Variants in TRMT9B observed in about 807,000 individuals in gnomAD.
TRMT9B encodes the protein probable tRNA methyltransferase 9B.
In TRMT9B, 16 loss-of-function variants were observed where a neutral mutation model predicts 11.5. The observed-to-expected ratio is 1.39, with a 90% confidence interval of 0.94 to 2.11. TRMT9B has a LOEUF of 2.11. Ranked by LOEUF, TRMT9B falls within the 30% of genes most tolerant of loss-of-function variation. TRMT9B has a pLI of 0.00. For missense variants in TRMT9B, 941 were observed against 553.8 expected, an observed-to-expected ratio of 1.70 and a Z score of -7.02; for synonymous variants, 274 against 192.4, an observed-to-expected ratio of 1.42 and a Z score of -3.51.
chr8:12,975,148 T>C (rs1014750739), intron 1 of TRMT9B, among the ~76,000 whole-genome samples: 1 of 151,996 alleles, frequency 6.6e-6, no homozygotes. Flanking sequence ...TAGGATTCCA[T>C]GTACGGCTAG....
chr8:12,980,316 T>A (rs986130584), intron 1 of TRMT9B, among the ~76,000 whole-genome samples: 3 of 152,190 alleles, frequency 2.0e-5, no homozygotes, highest in African/African-American at 7.2e-5. Context: ...CTGTCTATTA[T>A]AAGGACACTT....
chr8:12,946,980 G>T (rs1174135338), intron 1 of TRMT9B, among the ~76,000 whole-genome samples: 1 of 152,190 alleles, frequency 6.6e-6, no homozygotes, highest in Admixed American at 6.5e-5. Context: ...AATGGCTGAA[G>T]AACTGAAGGG....
chr8:13,005,804 T>C (rs1173041934), intron 2 of TRMT9B, among the ~76,000 whole-genome samples: 1 of 152,232 alleles, frequency 6.6e-6, no homozygotes, highest in African/African-American at 2.4e-5. Flanking sequence ...AGCGCTTTGC[T>C]ATTGGGTTGA....
intron 3 of TRMT9B, chr8:13,012,024 A>T: frequency 1.0e-6 from 1 of 985,384 alleles, no homozygotes; most frequent in Non-Finnish European, 1.2e-6. Flanking sequence ...TGAAATATGA[A>T]TGTGAGCTTA....
chr8:12,991,245 A>T (rs1471115995), intron 2 of TRMT9B, among the ~76,000 whole-genome samples: 1 of 152,208 alleles, frequency 6.6e-6, no homozygotes, highest in African/African-American at 2.4e-5. Context: ...CATATTTAGC[A>T]TTTTTAGAAA....
intron 4 of TRMT9B, among the ~76,000 whole-genome samples, chr8:13,018,807 C>T (rs1813284677): frequency 6.6e-6 from 1 of 152,258 alleles, no homozygotes; most frequent in Admixed American, 6.5e-5. Flanking sequence ...CGTATTTTCT[C>T]CATAAGGTGC....
chr8:13,005,466 C>T (rs556315494), intron 2 of TRMT9B, among the ~76,000 whole-genome samples: 3 of 152,206 alleles, frequency 2.0e-5, no homozygotes, highest in South Asian at 2.1e-4. Context: ...GATAAGTGCT[C>T]GAGGTGATGA....
rs756666141 is a variant in TRMT9B at position 13,006,376 on chromosome 8, G to A, written c.154+20G>A. ...ACATAGGTAACCAGGCAGCCTCATC[G>A]CTGACATAGGTAACCAGGCAGCCTC... On this transcript the variant is annotated intron_variant, in intron 3 of 4. Coordinates refer to ENST00000524591, the MANE Select transcript of TRMT9B (RefSeq NM_020844.3). 41 of 1,569,496 alleles carry A rather than the reference G, an allele frequency of 2.6e-5. No individual in the cohort carries two copies. The highest frequency in any genetic ancestry group is 3.8e-5 in the Admixed American group (2 of 53,328).
At chr8:13,013,924 G>A (rs1053208551) in intron 4 of TRMT9B, among the ~76,000 whole-genome samples, 1 of 152,012 alleles carries the variant, frequency 6.6e-6, no homozygotes, top group Admixed American at 6.6e-5. Flanking sequence ...ACTCCAGCCT[G>A]GATGACAAGA....
intron 1 of TRMT9B, among the ~76,000 whole-genome samples, chr8:12,965,259 G>C (rs1310428122): frequency 6.6e-6 from 1 of 152,208 alleles, no homozygotes; most frequent in Non-Finnish European, 1.5e-5. Context: ...GTATTAAGCA[G>C]GTGTGGATTC....
chr8:12,976,200 C>A (rs777083945), intron 1 of TRMT9B, among the ~76,000 whole-genome samples: 1 of 152,172 alleles, frequency 6.6e-6, no homozygotes, highest in Non-Finnish European at 1.5e-5. Flanking sequence ...TGCCCTAGTT[C>A]TCCTTTGGGA....
At chr8:12,951,030 G>A (rs1800564047) in intron 1 of TRMT9B, among the ~76,000 whole-genome samples, 1 of 152,134 alleles carries the variant, frequency 6.6e-6, no homozygotes, top group African/African-American at 2.4e-5. Flanking sequence ...GATAATAGGC[G>A]GTTGAAGATA....
intron 3 of TRMT9B, chr8:13,006,999 AG>A (rs1810600386): frequency 6.5e-6 from 1 of 153,046 alleles, no homozygotes; most frequent in Admixed American, 6.5e-5. Flanking sequence ...GTGGCTCTTC[AG>A]GGCCTTTGTG....
intron 3 of TRMT9B, chr8:13,011,011 T>A: frequency 2.5e-6 from 2 of 807,184 alleles, no homozygotes; most frequent in Non-Finnish European, 3.0e-6. Context: ...AGACAAAATC[T>A]AACTCTGTCA....
Position 12,990,857 on chromosome 8 carries a change from C to T in TRMT9B, c.-176C>T, listed in dbSNP as rs1373309574. 1.6e-6 allele frequency: 2 copies of T among 1,289,304 alleles called. No homozygotes were observed. Among genetic ancestry groups the T allele is most frequent in the East Asian group, 5.6e-5 (1 of 18,018 alleles). The allele number at this position is 1,289,304 out of a possible 1,614,324, so 79.9% of individuals were successfully genotyped here. A position where few individuals can be genotyped will look rare whatever the true frequency, so the allele number is the denominator to read the frequency against. On this transcript the variant is annotated 5_prime_UTR_variant, in exon 2 of 5. Transcript: ENST00000524591. Reference sequence around the variant, plus strand: ...AGGGCCTGTGCTTCCTTCAGAGACTCACACAAGAGGTTTATCATGAGAAGG... The same window carrying T: ...AGGGCCTGTGCTTCCTTCAGAGACTTACACAAGAGGTTTATCATGAGAAGG...
At chr8:12,952,142 G>T (rs1419799911) in intron 1 of TRMT9B, 1 of 453,062 alleles carries the variant, frequency 2.2e-6, no homozygotes, top group East Asian at 7.1e-5. Context: ...GCGGGACAGC[G>T]CTGTGACTAC....
chr8:13,021,142 G>A lies in TRMT9B; in HGVS notation c.463G>A (p.Asp155Asn). 6.2e-7 allele frequency: 1 copy of A among 1,613,892 alleles called. No homozygotes were observed. Among genetic ancestry groups the A allele is most frequent in the South Asian group, 1.1e-5 (1 of 91,060 alleles). The part of the protein sequence containing the change: ...EQKNRHFEKQ[D>N]VLVPWNRALC... ...AAAGAACCGTCACTTTGAGAAGCAAGACGTGCTTGTTCCATGGAACAGGGC... is the reference window on the plus strand; with the variant it reads ...AAAGAACCGTCACTTTGAGAAGCAAAACGTGCTTGTTCCATGGAACAGGGC... The change falls in exon 5 of 5, where the codon GAC (aspartate) becomes AAC (asparagine). Residue 155 changes from aspartate to asparagine, a missense_variant. Transcript: ENST00000524591.
intron 1 of TRMT9B, among the ~76,000 whole-genome samples, chr8:12,959,261 A>G (rs1801723316): frequency 6.6e-6 from 1 of 152,152 alleles, no homozygotes; most frequent in South Asian, 2.1e-4. Flanking sequence ...TTGAGCACTA[A>G]TATGATATGC....
At chr8:13,013,768 T>A (rs1159216336) in intron 4 of TRMT9B, among the ~76,000 whole-genome samples, 1 of 151,820 alleles carries the variant, frequency 6.6e-6, no homozygotes, top group Non-Finnish European at 1.5e-5. Context: ...CTGGCCAACA[T>A]GTGAAACCCC....
Sources: allele counts gnomAD v4.1 joint callset (sites outside exome capture counted in the v4.1 genomes callset), GRCh38; gene constraint gnomAD v4.1.1; transcripts MANE v1.5; gene names NCBI Gene and HGNC (gene_info 2026-07-23, HGNC 2026-07-21).